MMP26: variants seen among roughly 807,000 people sequenced by gnomAD.
MMP26 encodes the protein matrix metalloproteinase-26.
A neutral mutation model predicts 31.0 loss-of-function variants in MMP26; 33 were observed. The ratio of observed to expected loss-of-function variants is 1.06; its 90% CI spans 0.81 to 1.42. The LOEUF (loss-of-function observed/expected upper bound fraction) is 1.42, where lower values mean the gene tolerates loss of function less well. Ranked by LOEUF, MMP26 falls within the 40% of genes most tolerant of loss-of-function variation. The pLI, the probability that MMP26 is intolerant of heterozygous loss-of-function variation, is 0.00. For missense variants in MMP26, 347 were observed against 316.1 expected (o/e 1.10, Z -0.74); for synonymous variants, 122 against 114.9 (o/e 1.06, Z -0.40).
chr11:4,759,378 A>G (rs1423162552), intron 1 of MMP26, among the ~76,000 whole-genome samples: 2 of 152,176 alleles, frequency 1.3e-5, no homozygotes, highest in Admixed American at 1.3e-4. Flanking sequence ...CCTTTCAATC[A>G]ACAATTTAAT....
chr11:4,929,369 C>T (rs1257587503), intron 2 of MMP26, among the ~76,000 whole-genome samples: 1 of 151,996 alleles, frequency 6.6e-6, no homozygotes, highest in Non-Finnish European at 1.5e-5. Context: ...ATAATGAATT[C>T]AAACCTTGTA....
At chr11:4,846,301 C>G (rs536242790) in intron 2 of MMP26, among the ~76,000 whole-genome samples, 1 of 152,070 alleles carries the variant, frequency 6.6e-6, no homozygotes, top group African/African-American at 2.4e-5. Context: ...ATGCCAGGCA[C>G]AGAAAAACAA....
intron 2 of MMP26, among the ~76,000 whole-genome samples, chr11:4,822,881 G>T (rs1208360690): frequency 6.6e-6 from 1 of 152,044 alleles, no homozygotes; most frequent in African/African-American, 2.4e-5. Flanking sequence ...TTTATTATGT[G>T]CAGGGGCTAC....
chr11:4,898,726 T>A (rs1341618390), intron 2 of MMP26, among the ~76,000 whole-genome samples: 2 of 152,042 alleles, frequency 1.3e-5, no homozygotes, highest in Non-Finnish European at 2.9e-5. Context: ...ACTTACCTCC[T>A]CCATATGAAG....
At chr11:4,850,379 C>T (rs1055465718) in intron 2 of MMP26, among the ~76,000 whole-genome samples, 7 of 152,146 alleles carry the variant, frequency 4.6e-5, no homozygotes, top group African/African-American at 7.2e-5. Context: ...ATAAGACACT[C>T]GTTTGTTCCC....
intron 2 of MMP26, among the ~76,000 whole-genome samples, chr11:4,806,067 T>A (rs1027287156): frequency 6.6e-6 from 1 of 152,170 alleles, no homozygotes; most frequent in Admixed American, 6.5e-5. Flanking sequence ...TGAAAAGAAT[T>A]TCTTCAAGAT....
rs567919542 is a variant in MMP26 at position 4,856,902 on chromosome 11, C to T, written c.-145+89561C>T. Among the ~76,000 whole-genome samples, 4 of 152,270 alleles carry T rather than the reference C, an allele frequency of 2.6e-5. No homozygotes were observed. The South Asian group carries it at 8.3e-4, about 32-fold the overall frequency. On this transcript the variant is annotated intron_variant, in intron 2 of 7. Transcript: ENST00000380390. ...AGACCACAGTTCAATCAAATTAGAACTCAGGATTAAGAAACTCACTCAAAA... is the reference window on the plus strand; with the variant it reads ...AGACCACAGTTCAATCAAATTAGAATTCAGGATTAAGAAACTCACTCAAAA...
At chr11:4,742,908 G>A (rs995335916) in intron 1 of MMP26, among the ~76,000 whole-genome samples, 19 of 151,736 alleles carry the variant, frequency 1.3e-4, no homozygotes, top group Non-Finnish European at 2.8e-4. Flanking sequence ...AAGATTACAG[G>A]GTATTAGCCA....
chr11:4,847,791 G>A (rs1849894867), intron 2 of MMP26: 1 of 153,398 alleles, frequency 6.5e-6, no homozygotes, highest in Non-Finnish European at 1.5e-5. Flanking sequence ...CTAAGGATTG[G>A]TCAGAATTCT....
chr11:4,977,074 T>G (rs1846747835), intron 2 of MMP26, among the ~76,000 whole-genome samples: 1 of 151,486 alleles, frequency 6.6e-6, no homozygotes, highest in Admixed American at 6.6e-5. Context: ...TATCTATTAG[T>G]CTGAGTACTT....
chr11:4,795,476 G>A (rs1433919), intron 2 of MMP26, among the ~76,000 whole-genome samples: 105 of 152,068 alleles, frequency 6.9e-4, no homozygotes, highest in African/African-American at 2.1e-3. Flanking sequence ...AGGAAACTAC[G>A]TATCATATGT....
At chr11:4,740,459 G>A (rs998763979) in intron 1 of MMP26, among the ~76,000 whole-genome samples, 3 of 152,018 alleles carry the variant, frequency 2.0e-5, no homozygotes, top group Admixed American at 6.5e-5. Context: ...CAAGGCAGGC[G>A]GATCACAAGG....
intron 1 of MMP26, among the ~76,000 whole-genome samples, chr11:4,708,478 G>T (rs114354938): frequency 6.6e-6 from 1 of 152,204 alleles, no homozygotes; most frequent in South Asian, 2.1e-4. Flanking sequence ...CTTTCTCAGG[G>T]TCAGACCTTC....
At chr11:4,875,147 A>G (rs1324170555) in intron 2 of MMP26, 3 of 152,130 alleles carry the variant, frequency 2.0e-5, no homozygotes, top group African/African-American at 4.8e-5. Flanking sequence ...AGTACTGGAG[A>G]TCATTCTGCT....
At chr11:4,730,323 A>G (rs1024559740) in intron 1 of MMP26, among the ~76,000 whole-genome samples, 13 of 152,136 alleles carry the variant, frequency 8.5e-5, no homozygotes, top group Admixed American at 8.5e-4. Context: ...ACAGACATTA[A>G]TAGCACCACT....
rs2133471891 is a variant in MMP26 at position 4,821,706 on chromosome 11, C to T, written c.-145+54365C>T. The T allele has an allele frequency of 3.1e-6, 5 of 1,613,992 alleles. No homozygotes were observed. The South Asian group carries it at 3.3e-5, about 11-fold the overall frequency. Reference sequence around the variant, plus strand: ...TCTGGTTTGAAGCCCGAGAAATCAACCTAAATGCCTGCATTGCCCAGATGT... The same window carrying T: ...TCTGGTTTGAAGCCCGAGAAATCAATCTAAATGCCTGCATTGCCCAGATGT... On this transcript the variant is annotated intron_variant, in intron 2 of 7. Transcript: ENST00000380390.
intron 1 of MMP26, among the ~76,000 whole-genome samples, chr11:4,714,172 C>T (rs1364185086): frequency 6.6e-6 from 1 of 152,306 alleles, no homozygotes; most frequent in Admixed American, 6.5e-5. Flanking sequence ...TTACACTTTA[C>T]ACGCCCTGGT....
intron 2 of MMP26, chr11:4,915,371 C>A: frequency 6.2e-7 from 1 of 1,614,010 alleles, no homozygotes; most frequent in Non-Finnish European, 8.5e-7. Flanking sequence ...GGCATCATGG[C>A]TAATTTCTCG....
At chr11:4,922,399 G>T (rs994277480) in intron 2 of MMP26, among the ~76,000 whole-genome samples, 3 of 151,894 alleles carry the variant, frequency 2.0e-5, no homozygotes, top group Non-Finnish European at 4.4e-5. Context: ...TATATAAAGA[G>T]TTACTAAGTT....
Sources: gnomAD v4.1 joint callset for allele counts (sites outside exome capture counted in the v4.1 genomes callset) on GRCh38, gnomAD v4.1.1 for gene constraint, MANE v1.5 for transcripts, NCBI Gene and HGNC (gene_info 2026-07-23, HGNC 2026-07-21) for gene names.